DAAM2: variants seen among roughly 807,000 people sequenced by gnomAD.
DAAM2 encodes dishevelled associated activator of morphogenesis 2, also known as disheveled-associated activator of morphogenesis 2.
Under a neutral mutation model 120.7 loss-of-function variants are expected in DAAM2, and 39 were observed. The observed-to-expected ratio is 0.32, with a 90% CI of 0.25 to 0.42. The LOEUF (loss-of-function observed/expected upper bound fraction) is 0.42. DAAM2 is among the 10% of genes least tolerant of loss of function. The pLI is 1.00. For synonymous variants in DAAM2, 488 were observed against 524.9 expected (o/e 0.93, Z 0.96); for missense variants, 1,283 against 1,401.7 (o/e 0.92, Z 1.35).
intron 1 of DAAM2, among the ~76,000 whole-genome samples, chr6:39,814,188 C>G (rs1283910103): frequency 7.1e-6 from 1 of 139,874 alleles, no homozygotes; most frequent in African/African-American, 2.8e-5. Context: ...TTCTTTCTTT[C>G]TTTTTTTTTT....
At chr6:39,856,110 CG>C in intron 1 of DAAM2, 136 bp from the exon 2 acceptor site, 1 of 412,842 alleles carries the variant, frequency 2.4e-6, no homozygotes, top group Non-Finnish European at 3.7e-6. Flanking sequence ...GGGGCGACAG[CG>C]GGGTGGGTGG....
At chr6:39,839,468 G>C (rs1026258085) in intron 1 of DAAM2, among the ~76,000 whole-genome samples, 1 of 152,144 alleles carries the variant, frequency 6.6e-6, no homozygotes, top group African/African-American at 2.4e-5. Flanking sequence ...TGAGAGAAGA[G>C]AGCTGGGAAA....
Position 39,891,377 on chromosome 6 carries a change from C to A in DAAM2, c.2182C>A (p.Leu728Ile). Residue 728 changes from leucine (L) to isoleucine (I), a missense_variant, in exon 18 of 25, where the codon CTC becomes ATC. Physicochemically the swap from Leu to Ile is conservative, Grantham distance 5 (BLOSUM62 2). Coordinates refer to ENST00000274867, the MANE Select transcript of DAAM2 (RefSeq NM_001201427.2). ...CATCCCAGAGAAGAGTGACATTGAC[C>A]TCCTGGAGGAGCACAAGCATGAAAT... ...KFIPEKSDID[L>I]LEEHKHEIER... 1 of 1,611,250 alleles carries A rather than the reference C, an allele frequency of 6.2e-7. No individual in the cohort carries two copies. Among genetic ancestry groups the A allele is most frequent in the Non-Finnish European group, 8.5e-7 (1 of 1,178,708 alleles).
At chr6:39,875,704 G>C (rs1225955109) in intron 11 of DAAM2, among the ~76,000 whole-genome samples, 1 of 152,188 alleles carries the variant, frequency 6.6e-6, no homozygotes, top group Non-Finnish European at 1.5e-5. Context: ...GTATGACCAA[G>C]GAACTGAATC....
chr6:39,891,051 C>T (rs923559965), intron 17 of DAAM2, among the ~76,000 whole-genome samples: 2 of 150,914 alleles, frequency 1.3e-5, no homozygotes, highest in African/African-American at 2.4e-5. Context: ...TATGATCATA[C>T]CACTGCATTC....
chr6:39,875,496 C>G (rs768664714), intron 11 of DAAM2, 28 bp downstream of exon 11: 1 of 1,598,690 alleles, frequency 6.3e-7, no homozygotes. Flanking sequence ...TTTGCCCTGT[C>G]TTCCTCCACC....
intron 1 of DAAM2, among the ~76,000 whole-genome samples, chr6:39,816,160 G>A (rs916868291): frequency 2.6e-4 from 40 of 152,246 alleles, no homozygotes; most frequent in African/African-American, 9.4e-4. Flanking sequence ...GTAAATACTT[G>A]AGAAAGAATT....
chr6:39,868,150 C>CGAGA, intron 6 of DAAM2: 5 of 382,084 alleles, frequency 1.3e-5, no homozygotes, highest in Admixed American at 3.9e-5. Flanking sequence ...CATCTCCAAC[C>CGAGA]TCAACACCTG....
At chr6:39,887,647 G>A (rs1765455441) in intron 16 of DAAM2, 55 bp downstream of exon 16, 2 of 1,256,446 alleles carry the variant, frequency 1.6e-6, no homozygotes, top group African/African-American at 1.5e-5. Flanking sequence ...AGGGGGTGGA[G>A]GAACGGAGTG....
At chr6:39,892,285 T>C (rs979414407) in intron 19 of DAAM2, among the ~76,000 whole-genome samples, 3 of 152,252 alleles carry the variant, frequency 2.0e-5, no homozygotes, top group African/African-American at 7.2e-5. Context: ...CTCTGCTTGG[T>C]TGGTCCTCAT....
At chr6:39,891,983 TC>T (rs769053050) in intron 19 of DAAM2, among the ~76,000 whole-genome samples, 2 of 152,228 alleles carry the variant, frequency 1.3e-5, no homozygotes, top group Non-Finnish European at 2.9e-5. Context: ...TCTGTTGACA[TC>T]TGCCCCAGCA....
chr6:39,843,320 G>T (rs1050196674), intron 1 of DAAM2, among the ~76,000 whole-genome samples: 4 of 152,158 alleles, frequency 2.6e-5, no homozygotes, highest in African/African-American at 9.7e-5. Flanking sequence ...GGAGTGGGGT[G>T]CGATGGGGAA....
Position 39,794,320 on chromosome 6 carries a change from C to T in DAAM2, c.-57+1855C>T. ...ATTTCTTCATCTGTGCTGGGAACTC[C>T]ATCTAACCCCCATTTCTTCCTTTAT... On this transcript the variant is annotated intron_variant, in intron 1 of 24. Coordinates refer to ENST00000274867, the MANE Select transcript of DAAM2 (RefSeq NM_001201427.2). Among the ~76,000 whole-genome samples the T allele has an allele frequency of 1.3e-5, 2 of 152,180 alleles. 1 individual carries two copies. Among genetic ancestry groups the T allele is most frequent in the East Asian group, 3.9e-4 (2 of 5,188 alleles).
At position 39,897,230 on chromosome 6, in the gene DAAM2, A is replaced by T. The variant is rs1359113895; in HGVS notation, c.2566A>T (p.Ile856Phe). ...GATCCTGGAGAAGCATTTTCCTGAT[A>T]TTCTAAACATGCCTTCAGAGCTGCA... is the stretch of plus-strand genomic sequence containing the variant. ...IMILEKHFPD[I>F]LNMPSELQHL... Residue 856 changes from isoleucine (I) to phenylalanine (F), a missense_variant, in exon 21 of 25, where the codon ATT (isoleucine) becomes TTT (phenylalanine). Physicochemically the swap from Ile to Phe is conservative, Grantham distance 21. Coordinates refer to ENST00000274867, the MANE Select transcript of DAAM2 (RefSeq NM_001201427.2). 2.5e-6 allele frequency: 4 copies of T among 1,613,788 alleles called. No homozygotes were observed. Among genetic ancestry groups the T allele is most frequent in the Non-Finnish European group, 2.5e-6 (3 of 1,179,762 alleles).
chr6:39,837,586 C>T (rs1050266323), intron 1 of DAAM2, among the ~76,000 whole-genome samples: 1 of 145,808 alleles, frequency 6.9e-6, no homozygotes, highest in Non-Finnish European at 1.5e-5. Flanking sequence ...TGGCTTGAAC[C>T]CGGGAGGCAG....
rs1582784469 is a variant in DAAM2, at chr6:39,902,040, T to C, written c.*3T>C. Reference sequence around the variant, plus strand: ...CAATAAACCGGCTAAATTATTGACCTGGGGAACTAGCCACACAGGAGGCCG... The same window carrying C: ...CAATAAACCGGCTAAATTATTGACCCGGGGAACTAGCCACACAGGAGGCCG... On this transcript the variant is annotated 3_prime_UTR_variant, in exon 25 of 25. Transcript: ENST00000274867. 6.3e-7 allele frequency: 1 copy of C among 1,597,134 alleles called. No homozygotes were observed. Among genetic ancestry groups the C allele is most frequent in the East Asian group, 2.2e-5 (1 of 44,532 alleles).
chr6:39,804,349 G>A (rs74371604), intron 1 of DAAM2, among the ~76,000 whole-genome samples: 2,932 of 152,286 alleles, frequency 0.019, 109 homozygotes, highest in African/African-American at 0.067. Context: ...CACAGAGTTA[G>A]CGCTCAGGGG....
chr6:39,904,282 C>G lies in DAAM2; in HGVS notation c.*2245C>G, dbSNP rs1412962303. On this transcript the variant is annotated 3_prime_UTR_variant, in exon 25 of 25. Coordinates refer to ENST00000274867, the MANE Select transcript of DAAM2 (RefSeq NM_001201427.2). ...CTCACTCTAAAAGAAAGATATTTTT[C>G]TATTTATTTTCTACATCTGGCCAGT... 6.6e-6 allele frequency: 3 copies of G among 456,618 alleles called. No homozygotes were observed. Among genetic ancestry groups the G allele is most frequent in the African/African-American group, 4.0e-5 (2 of 50,086 alleles). 28.3% of individuals were successfully genotyped at this position (456,618 alleles called of 1,614,324 possible).
intron 1 of DAAM2, among the ~76,000 whole-genome samples, chr6:39,831,933 C>T (rs1370627470): frequency 4.4e-5 from 2 of 45,610 alleles, no homozygotes; most frequent in East Asian, 1.7e-3. Flanking sequence ...AGATGCAGTG[C>T]GAGGGCCGGG....
Sources: allele counts gnomAD v4.1 joint callset (sites outside exome capture counted in the v4.1 genomes callset), GRCh38; gene constraint gnomAD v4.1.1; transcripts MANE v1.5; gene names NCBI Gene and HGNC (gene_info 2026-07-23, HGNC 2026-07-21).